The following KCNQ5 variants were observed in gnomAD, a reference collection of about 807,000 sequenced individuals.
KCNQ5 encodes potassium voltage-gated channel subfamily Q member 5.
In KCNQ5, 30 loss-of-function variants were observed where a neutral mutation model predicts 98.2. The ratio of observed to expected loss-of-function variants is 0.31; its 90% CI spans 0.23 to 0.41. The LOEUF (loss-of-function observed/expected upper bound fraction) is 0.41. Ranked by LOEUF, KCNQ5 falls within the 10% of genes least tolerant of loss-of-function variation. The pLI, the probability that KCNQ5 is intolerant of heterozygous loss-of-function variation, is 1.00. For missense variants in KCNQ5, 835 were observed against 1,182.5 expected, an observed-to-expected ratio of 0.71 and a Z score of 4.31; for synonymous variants, 458 against 449.4, an observed-to-expected ratio of 1.02 and a Z score of -0.24.
chr6:72,913,943 C>A (rs114895504), intron 1 of KCNQ5, among the ~76,000 whole-genome samples: 2 of 152,072 alleles, frequency 1.3e-5, no homozygotes, highest in Non-Finnish European at 2.9e-5. Context: ...CTTAACAAGG[C>A]GTGTTTGTTC....
At chr6:72,717,832 T>C (rs916282387) in intron 1 of KCNQ5, among the ~76,000 whole-genome samples, 3 of 152,210 alleles carry the variant, frequency 2.0e-5, no homozygotes, top group Admixed American at 2.0e-4. Flanking sequence ...AGGAAAAATA[T>C]TCCTAGCACT....
Position 72,822,058 on chromosome 6 carries a change from C to T in KCNQ5, c.399-181850C>T, listed in dbSNP as rs563908188. 7.2e-5 allele frequency among the ~76,000 whole-genome samples: 11 copies of T among 152,226 alleles called. 1 individual carries two copies. The South Asian group carries it at 2.1e-3, about 29-fold the overall frequency. On this transcript the variant is annotated intron_variant, in intron 1 of 13. Transcript: ENST00000370398. ...GTCTTTTCCCTAATAACCTAGGGCT[C>T]ATAGCATGCTCCATAATGCCCTTTC...
At chr6:72,778,388 A>C (rs1052650967) in intron 1 of KCNQ5, among the ~76,000 whole-genome samples, 2 of 152,004 alleles carry the variant, frequency 1.3e-5, no homozygotes, top group Admixed American at 6.5e-5. Flanking sequence ...AAATATAAAA[A>C]TTAGCCGGGC....
intron 1 of KCNQ5, among the ~76,000 whole-genome samples, chr6:72,917,114 G>A (rs1349829401): frequency 6.6e-6 from 1 of 152,192 alleles, no homozygotes; most frequent in Admixed American, 6.5e-5. Context: ...AGGAGCCCAG[G>A]GTGCTGAAGG....
chr6:72,872,264 A>G (rs9351949), intron 1 of KCNQ5, among the ~76,000 whole-genome samples: 75,913 of 151,996 alleles, frequency 0.5, 19,167 homozygotes, highest in East Asian at 0.61. Flanking sequence ...TTTAAATTCT[A>G]ATTTTAAGTT....
chr6:73,127,523 G>C (rs1776039678), intron 9 of KCNQ5, among the ~76,000 whole-genome samples: 1 of 152,304 alleles, frequency 6.6e-6, no homozygotes, highest in East Asian at 1.9e-4. Context: ...CTCACCAAAG[G>C]ACGGAGCCAT....
At chr6:72,973,735 A>G (rs1768018535) in intron 1 of KCNQ5, among the ~76,000 whole-genome samples, 1 of 152,230 alleles carries the variant, frequency 6.6e-6, no homozygotes, top group African/African-American at 2.4e-5. Context: ...TCTAATACAA[A>G]TGACAAAAAG....
intron 1 of KCNQ5, among the ~76,000 whole-genome samples, chr6:72,960,404 TTTG>T (rs560597563): frequency 1.4e-4 from 21 of 152,080 alleles, no homozygotes; most frequent in Non-Finnish European, 2.2e-4. Flanking sequence ...CCCAAATACA[TTTG>T]TTGTTGTTGT....
intron 1 of KCNQ5, among the ~76,000 whole-genome samples, chr6:72,998,124 C>T (rs1020658608): frequency 2.0e-5 from 3 of 152,096 alleles, no homozygotes; most frequent in Non-Finnish European, 4.4e-5. Flanking sequence ...CCAGTGCTTC[C>T]CTCTGCTGAT....
At chr6:72,802,453 A>T (rs1200697784) in intron 1 of KCNQ5, among the ~76,000 whole-genome samples, 1 of 152,274 alleles carries the variant, frequency 6.6e-6, no homozygotes, top group African/African-American at 2.4e-5. Context: ...AAACATTTTT[A>T]CAACAAAATA....
At position 73,035,985 on chromosome 6, in the gene KCNQ5, T is replaced by TTGTGTGTGTGTGTGTG. The variant is rs70994155; in HGVS notation, c.490-5921_490-5906dup. ...TTTCTCCAGTTTTACTTGAATACAT[T>TTGTGTGTGTGTGTGTG]TGTGTGTGTGTGTGTGTGTGTGTGT... On this transcript the variant is annotated intron_variant, in intron 2 of 13. Coordinates refer to ENST00000370398, the MANE Select transcript of KCNQ5 (RefSeq NM_019842.4). Among the ~76,000 whole-genome samples the TTGTGTGTGTGTGTGTG allele has an allele frequency of 4.4e-4, 62 of 140,532 alleles. No homozygotes were observed. In the East Asian group the frequency reaches 4.9e-3, roughly 11 times the overall value. 92.2% of individuals were successfully genotyped at this position (140,532 alleles called of 152,430 possible).
rs1274429678 is a variant in KCNQ5 at position 73,196,877 on chromosome 6, A to G, written c.*1463A>G. 2.0e-5 allele frequency: 3 copies of G among 152,186 alleles called. No individual in the cohort carries two copies. The highest frequency in any genetic ancestry group is 7.2e-5 in the African/African-American group (3 of 41,442). 9.4% of individuals were successfully genotyped at this position (152,186 alleles called of 1,614,324 possible). On this transcript the variant is annotated 3_prime_UTR_variant, in exon 14 of 14. Transcript: ENST00000370398. ...GCAAGCAATGCTGACTGCTTGTTAG[A>G]AACCCATCTAGCTATCTTAGGTCAC... is the stretch of plus-strand genomic sequence containing the variant.
chr6:72,662,491 T>C (rs1766580871), intron 1 of KCNQ5, among the ~76,000 whole-genome samples: 1 of 152,110 alleles, frequency 6.6e-6, no homozygotes, highest in South Asian at 2.1e-4. Flanking sequence ...TAGACAGATA[T>C]CATTACACCA....
chr6:72,966,118 A>G (rs987140101), intron 1 of KCNQ5, among the ~76,000 whole-genome samples: 1 of 152,322 alleles, frequency 6.6e-6, no homozygotes, highest in African/African-American at 2.4e-5. Context: ...TTACTTTGAG[A>G]TATCATCCTG....
intron 1 of KCNQ5, among the ~76,000 whole-genome samples, chr6:72,897,398 C>T (rs1221776597): frequency 1.3e-5 from 2 of 151,886 alleles, no homozygotes; most frequent in Admixed American, 6.6e-5. Context: ...AAAAATTAGC[C>T]GGGCATGGTG....
At chr6:72,741,999 A>G (rs1582205182) in intron 1 of KCNQ5, among the ~76,000 whole-genome samples, 1 of 152,190 alleles carries the variant, frequency 6.6e-6, no homozygotes, top group East Asian at 1.9e-4. Flanking sequence ...ACTACCAACA[A>G]CCTATCCGCT....
intron 10 of KCNQ5, among the ~76,000 whole-genome samples, chr6:73,162,250 G>A (rs1292432756): frequency 1.3e-5 from 2 of 152,028 alleles, no homozygotes; most frequent in Admixed American, 1.3e-4. Context: ...TTAAATGTCA[G>A]GGAACAGAGT....
At chr6:72,745,960 A>G (rs1180816928) in intron 1 of KCNQ5, among the ~76,000 whole-genome samples, 1 of 150,774 alleles carries the variant, frequency 6.6e-6, no homozygotes, top group Non-Finnish European at 1.5e-5. Context: ...TGTATCTCTA[A>G]CTCCAAATTT....
chr6:72,903,667 A>G (rs1004386312), intron 1 of KCNQ5, among the ~76,000 whole-genome samples: 3 of 152,144 alleles, frequency 2.0e-5, no homozygotes, highest in Admixed American at 6.5e-5. Flanking sequence ...GTTGACTTCC[A>G]GTTTTATTCC....
Sources: allele counts gnomAD v4.1 joint callset (sites outside exome capture counted in the v4.1 genomes callset), GRCh38; gene constraint gnomAD v4.1.1; transcripts MANE v1.5; gene names NCBI Gene and HGNC (gene_info 2026-07-23, HGNC 2026-07-21).